The following SH3GLB1 variants were observed in gnomAD, a reference collection of about 807,000 sequenced individuals.
SH3GLB1 encodes endophilin-B1.
In SH3GLB1, 17 loss-of-function variants were observed where a neutral mutation model predicts 42.0. The observed-to-expected ratio is 0.40, with a 90% CI of 0.28 to 0.61. SH3GLB1 has a LOEUF of 0.61. Among genes scored for constraint, SH3GLB1 ranks in the 20% least tolerant of loss-of-function variants. The probability of loss-of-function intolerance (pLI) is 0.36; values close to 1 mark genes in which losing one functional copy is unlikely to be tolerated. For missense variants in SH3GLB1, 355 were observed against 426.3 expected (o/e 0.83, Z 1.47); for synonymous variants, 132 against 146.6 (o/e 0.90, Z 0.72).
chr1:86,714,653 A>G (rs1239696798), intron 1 of SH3GLB1, among the ~76,000 whole-genome samples: 1 of 152,204 alleles, frequency 6.6e-6, no homozygotes, highest in Non-Finnish European at 1.5e-5. Flanking sequence ...CAGAAAATAG[A>G]GTAGCAAACG....
chr1:86,717,704 G>A (rs1346182858), intron 2 of SH3GLB1, among the ~76,000 whole-genome samples: 1 of 152,168 alleles, frequency 6.6e-6, no homozygotes, highest in Non-Finnish European at 1.5e-5. Flanking sequence ...TTACACGTGT[G>A]AGCCACCATG....
Position 86,707,003 on chromosome 1 carries a change from G to A in SH3GLB1, c.72+2032G>A, listed in dbSNP as rs1258230020. 2.6e-5 allele frequency among the ~76,000 whole-genome samples: 4 copies of A among 152,138 alleles called. No individual in the cohort carries two copies. The East Asian group carries it at 7.7e-4, about 29-fold the overall frequency. On this transcript the variant is annotated intron_variant, in intron 1 of 8. Coordinates refer to ENST00000370558, the MANE Select transcript of SH3GLB1 (RefSeq NM_016009.5). Reference sequence around the variant, plus strand: ...TTTAAGTGTCTACTGCATGTCTGATGTCTGCTTGTGGCTACTGTGGACACT... The same window carrying A: ...TTTAAGTGTCTACTGCATGTCTGATATCTGCTTGTGGCTACTGTGGACACT...
At chr1:86,726,847 T>C (rs1192114523) in intron 5 of SH3GLB1, among the ~76,000 whole-genome samples, 10 of 151,996 alleles carry the variant, frequency 6.6e-5, no homozygotes, top group Admixed American at 4.6e-4. Flanking sequence ...ACTTGAAGAA[T>C]CACTAGGAGT....
At chr1:86,736,644 A>G (rs1056844014) in intron 7 of SH3GLB1, among the ~76,000 whole-genome samples, 30 of 152,190 alleles carry the variant, frequency 2.0e-4, no homozygotes, top group African/African-American at 6.5e-4. Context: ...TTAAAGCCAC[A>G]CTATGCTTAG....
intron 1 of SH3GLB1, among the ~76,000 whole-genome samples, chr1:86,713,802 C>G (rs1654352618): frequency 6.6e-6 from 1 of 152,164 alleles, no homozygotes; most frequent in South Asian, 2.1e-4. Flanking sequence ...AGAAACAAAC[C>G]AACCATGTTG....
At chr1:86,731,819 C>T (rs1271555518) in intron 5 of SH3GLB1, among the ~76,000 whole-genome samples, 1 of 152,070 alleles carries the variant, frequency 6.6e-6, no homozygotes, top group East Asian at 1.9e-4. Context: ...GTGGCTCACA[C>T]CTGTAATCCC....
At chr1:86,705,863 C>A (rs1031172104) in intron 1 of SH3GLB1, among the ~76,000 whole-genome samples, 21 of 152,196 alleles carry the variant, frequency 1.4e-4, no homozygotes, top group African/African-American at 5.1e-4. Flanking sequence ...CAACAACATT[C>A]TCTTTTGTAA....
At chr1:86,728,812 ATATACT>A (rs1655347463) in intron 5 of SH3GLB1, among the ~76,000 whole-genome samples, 1 of 152,190 alleles carries the variant, frequency 6.6e-6, no homozygotes, top group Admixed American at 6.5e-5. Flanking sequence ...AATTAACAAA[ATATACT>A]TAAAGAAAGG....
At chr1:86,724,983 T>C (rs1251231839) in intron 5 of SH3GLB1, among the ~76,000 whole-genome samples, 2 of 144,948 alleles carry the variant, frequency 1.4e-5, no homozygotes, top group Non-Finnish European at 3.0e-5. Flanking sequence ...ATATAAAATA[T>C]ATATATGTGT....
intron 1 of SH3GLB1, among the ~76,000 whole-genome samples, chr1:86,711,405 A>G (rs1252583059): frequency 6.6e-6 from 1 of 152,112 alleles, no homozygotes; most frequent in Non-Finnish European, 1.5e-5. Context: ...AGGGGATTAA[A>G]CTTTTATTCT....
chr1:86,739,489 G>A (rs72961639), intron 7 of SH3GLB1, among the ~76,000 whole-genome samples: 6,051 of 152,266 alleles, frequency 0.04, 282 homozygotes, highest in African/African-American at 0.11. Context: ...TAACCTTGAC[G>A]AGTAGTTTTG....
chr1:86,733,806 G>A (rs1655637135), intron 5 of SH3GLB1, among the ~76,000 whole-genome samples: 1 of 152,104 alleles, frequency 6.6e-6, no homozygotes, highest in Non-Finnish European at 1.5e-5. Context: ...CACAGTGTGT[G>A]ACTTCACGTT....
intron 2 of SH3GLB1, among the ~76,000 whole-genome samples, chr1:86,718,963 T>G (rs1470323721): frequency 6.6e-6 from 1 of 152,250 alleles, no homozygotes; most frequent in Non-Finnish European, 1.5e-5. Flanking sequence ...CTGATCTGTC[T>G]GTAGACTATT....
At chr1:86,711,616 G>T (rs974912094) in intron 1 of SH3GLB1, among the ~76,000 whole-genome samples, 1 of 151,802 alleles carries the variant, frequency 6.6e-6, no homozygotes, top group Admixed American at 6.6e-5. Context: ...AAATCAACTA[G>T]TTTCTCATTA....
rs1322953743 is a variant in SH3GLB1 at position 86,715,801 on chromosome 1, A to C, written c.150A>C (p.Glu50Asp). The C allele has an allele frequency of 1.4e-5, 23 of 1,612,564 alleles. No homozygotes were observed. The highest frequency in any genetic ancestry group is 1.8e-5 in the Non-Finnish European group (21 of 1,179,646). The change falls in exon 2 of 9, where the codon GAA (glutamate) becomes GAC (aspartate). Residue 50 changes from glutamate (E) to aspartate (D), a missense_variant. By Grantham distance (45) the Glu-to-Asp change is conservative. Transcript: ENST00000370558. ...AHLENLLSKA[E>D]CTKIWTEKIM... ...TAGAGAACCTCCTTAGCAAAGCTGAATGTACCAAAATATGGACAGAAAAAA... is the reference window on the plus strand; with the variant it reads ...TAGAGAACCTCCTTAGCAAAGCTGACTGTACCAAAATATGGACAGAAAAAA...
chr1:86,724,455 A>G (rs1570268786), intron 5 of SH3GLB1, 50 bp downstream of exon 5: 2 of 1,370,298 alleles, frequency 1.5e-6, no homozygotes, highest in East Asian at 2.5e-5. Flanking sequence ...GATTTGTAAA[A>G]TATTTTGCTA....
At position 86,746,244 on chromosome 1, in the gene SH3GLB1, G is replaced by T. The variant is rs1404389918; in HGVS notation, c.*3009G>T. 1 of 152,350 alleles carries T rather than the reference G, an allele frequency of 6.6e-6. No individual in the cohort carries two copies. The highest frequency in any genetic ancestry group is 1.5e-5 in the Non-Finnish European group (1 of 68,072). The allele number at this position is 152,350 out of a possible 1,614,324, so 9.4% of individuals were successfully genotyped here. A position where few individuals can be genotyped will look rare whatever the true frequency, so the allele number is the denominator to read the frequency against. On this transcript the variant is annotated 3_prime_UTR_variant, in exon 9 of 9. Coordinates refer to ENST00000370558, the MANE Select transcript of SH3GLB1 (RefSeq NM_016009.5). ...GGAAACATTTCTGGGATAAACTGTGGAGTGGAGAAGACAATGGAGGGCAAG... is the reference window on the plus strand; with the variant it reads ...GGAAACATTTCTGGGATAAACTGTGTAGTGGAGAAGACAATGGAGGGCAAG...
chr1:86,725,389 T>A (rs1300184433), intron 5 of SH3GLB1, among the ~76,000 whole-genome samples: 1 of 152,130 alleles, frequency 6.6e-6, no homozygotes, highest in African/African-American at 2.4e-5. Flanking sequence ...ATTGAGTAGG[T>A]ATATATTAAA....
At chr1:86,719,442 A>G (rs1005247237) in intron 2 of SH3GLB1, 65 bp from the exon 3 acceptor site, 3 of 1,477,446 alleles carry the variant, frequency 2.0e-6, no homozygotes, top group African/African-American at 2.8e-5. Flanking sequence ...TGATGGGGGA[A>G]AAAAACAATC....
Sources: gnomAD v4.1 joint callset for allele counts (sites outside exome capture counted in the v4.1 genomes callset) on GRCh38, gnomAD v4.1.1 for gene constraint, MANE v1.5 for transcripts, NCBI Gene and HGNC (gene_info 2026-07-23, HGNC 2026-07-21) for gene names.